PHACTR2: variants seen among roughly 807,000 people sequenced by gnomAD.
PHACTR2 encodes chromosome 6 open reading frame 56.
PHACTR2 carries 30 observed loss-of-function variants against 76.0 expected under a neutral mutation model. The ratio of observed to expected loss-of-function variants is 0.39; its 90% CI spans 0.30 to 0.54. The LOEUF is 0.54. PHACTR2 is among the 20% of genes least tolerant of loss of function. The pLI is 0.61. For synonymous variants in PHACTR2, 292 were observed against 292.5 expected, an observed-to-expected ratio of 1.00 and a Z score of 0.02; for missense variants, 696 against 781.1, an observed-to-expected ratio of 0.89 and a Z score of 1.30.
chr6:143,540,491 T>C (rs1041940097), intron 1 of PHACTR2, among the ~76,000 whole-genome samples: 1 of 152,142 alleles, frequency 6.6e-6, no homozygotes, highest in Non-Finnish European at 1.5e-5. Flanking sequence ...CTGCAAACAG[T>C]CAGTCTAATA....
At position 143,700,519 on chromosome 6, in the gene PHACTR2, C is replaced by A. The variant is rs905992642; in HGVS notation, c.47-11497C>A. Reference sequence around the variant, plus strand: ...GCAGTGAGCTGAGATCTCACCACTGCACTCCATCTGGGTGACAGAACGAGA... The same window carrying A: ...GCAGTGAGCTGAGATCTCACCACTGAACTCCATCTGGGTGACAGAACGAGA... On this transcript the variant is annotated intron_variant, in intron 1 of 12. Transcript: ENST00000440869. The surrounding 1 kb of genome is among the most constrained non-coding windows in gnomAD (Gnocchi z 4.1). Among the ~76,000 whole-genome samples, 1 of 152,178 alleles carries A rather than the reference C, an allele frequency of 6.6e-6. No homozygotes were observed. The highest frequency in any genetic ancestry group is 1.5e-5 in the Non-Finnish European group (1 of 68,016).
Position 143,684,042 on chromosome 6 carries a change from A to G in PHACTR2, c.46+5833A>G, listed in dbSNP as rs1173542805. ...TATTATAGTATGTGGATATATGAAA[A>G]CTTCCTTTAAAAGAATCCTGTTGTA... On this transcript the variant is annotated intron_variant, in intron 1 of 12. Coordinates refer to ENST00000440869, the MANE Select transcript of PHACTR2 (RefSeq NM_001100164.2). The surrounding 1 kb of genome is among the most constrained non-coding windows in gnomAD (Gnocchi z 4.3). Among the ~76,000 whole-genome samples, 2 of 152,162 alleles carry G rather than the reference A, an allele frequency of 1.3e-5. No homozygotes were observed. The highest frequency in any genetic ancestry group is 4.8e-5 in the African/African-American group (2 of 41,442).
chr6:143,746,432 G>T (rs1385747947), intron 2 of PHACTR2, among the ~76,000 whole-genome samples: 1 of 152,164 alleles, frequency 6.6e-6, no homozygotes, highest in Non-Finnish European at 1.5e-5. Context: ...TGCTGAATTG[G>T]CAGTGCATTT....
In PHACTR2 at chr6:143,592,299, A is replaced by AAGG. The variant is rs1053035240; in HGVS notation, c.217+55093_217+55094insGGA. Among the ~76,000 whole-genome samples the AAGG allele has an allele frequency of 1.2e-4, 18 of 152,196 alleles. No individual in the cohort carries two copies. Among genetic ancestry groups the AAGG allele is most frequent in the African/African-American group, 3.9e-4 (16 of 41,448 alleles). ...GTAATGGGCAGGCTTGGATAACACC[A>AAGG]ATGGTAAGATGAACCATCCTCTCCA... On this transcript the variant is annotated intron_variant, in intron 1 of 11. Coordinates refer to the PHACTR2 transcript ENST00000367584. The surrounding 1 kb of genome is among the most constrained non-coding windows in gnomAD (Gnocchi z 4.0).
At chr6:143,607,035 T>A (rs573776162), upstream of PHACTR2, among the ~76,000 whole-genome samples, 45 of 152,336 alleles carry the variant, frequency 3.0e-4, no homozygotes, top group Non-Finnish European at 3.4e-4. Context: ...ACCTAGAAGC[T>A]GTTACAATGG....
rs1237300664 is a variant in PHACTR2, at chr6:143,570,355, CATCTT to C, written c.217+33151_217+33155del. Among the ~76,000 whole-genome samples the C allele has an allele frequency of 6.6e-6, 1 of 152,182 alleles. No individual in the cohort carries two copies. Among genetic ancestry groups the C allele is most frequent in the Admixed American group, 6.5e-5 (1 of 15,274 alleles). On this transcript the variant is annotated intron_variant, in intron 1 of 11. Coordinates refer to the PHACTR2 transcript ENST00000367584. This position sits in a 1 kb window ranked among gnomAD's most constrained non-coding sequence, Gnocchi z 4.6. ...TCACAAATGTCTTTGTACTCACAGT[CATCTT>C]ATGCAGGGTTTGTACTTCGGCTTCT...
At chr6:143,552,354 G>A (rs1441450550) in intron 1 of PHACTR2, among the ~76,000 whole-genome samples, 1 of 152,172 alleles carries the variant, frequency 6.6e-6, no homozygotes, top group Non-Finnish European at 1.5e-5. Context: ...TTCTGATGAA[G>A]TTCTAAGAAT....
intron 1 of PHACTR2, among the ~76,000 whole-genome samples, chr6:143,560,397 T>C (rs1258048734): frequency 1.3e-5 from 2 of 152,334 alleles, no homozygotes; most frequent in East Asian, 3.9e-4. Flanking sequence ...CCATAATCCA[T>C]GTGATTTACT....
rs1360488362 is a variant in PHACTR2 at position 143,550,794 on chromosome 6, T to A, written c.217+13587T>A. Reference sequence around the variant, plus strand: ...TGGCTCACGCCTGTAATCCTAGCACTTTAGGAGGCCTAGGAGGGCAGATCA... The same window carrying A: ...TGGCTCACGCCTGTAATCCTAGCACATTAGGAGGCCTAGGAGGGCAGATCA... On this transcript the variant is annotated intron_variant, in intron 1 of 11. Coordinates refer to the PHACTR2 transcript ENST00000367584. The surrounding 1 kb of genome is among the most constrained non-coding windows in gnomAD (Gnocchi z 4.8). 6.6e-6 allele frequency among the ~76,000 whole-genome samples: 1 copy of A among 151,974 alleles called. No homozygotes were observed. Among genetic ancestry groups the A allele is most frequent in the East Asian group, 1.9e-4 (1 of 5,188 alleles).
In PHACTR2 at chr6:143,608,835, T is replaced by G. The variant is rs532656575; in HGVS notation, c.13+513T>G. On this transcript the variant is annotated intron_variant, in intron 1 of 11. Transcript: ENST00000305766. This position sits in a 1 kb window ranked among gnomAD's most constrained non-coding sequence, Gnocchi z 4.6. ...ATATTTTAATTTCAGAATAGAGACATTAGTGGTCAATTGTGAACCTTTAAA... is the reference window on the plus strand; with the variant it reads ...ATATTTTAATTTCAGAATAGAGACAGTAGTGGTCAATTGTGAACCTTTAAA... Among the ~76,000 whole-genome samples, 1 of 152,348 alleles carries G rather than the reference T, an allele frequency of 6.6e-6. No homozygotes were observed. Among genetic ancestry groups the G allele is most frequent in the South Asian group, 2.1e-4 (1 of 4,830 alleles).
At chr6:143,805,473 C>T (rs1454157120) in intron 11 of PHACTR2, among the ~76,000 whole-genome samples, 2 of 119,416 alleles carry the variant, frequency 1.7e-5, no homozygotes, top group Admixed American at 1.8e-4. Flanking sequence ...GAGTGAAACT[C>T]CGTCTCAAAA....
rs960217414 is a variant in PHACTR2, at chr6:143,592,533, C to T, written c.217+55326C>T. Reference sequence around the variant, plus strand: ...GGCGCTATTCACATCGACTAATACTCTATAGGGGCCATTCCCTTGATTTGG... The same window carrying T: ...GGCGCTATTCACATCGACTAATACTTTATAGGGGCCATTCCCTTGATTTGG... On this transcript the variant is annotated intron_variant, in intron 1 of 11. Transcript: ENST00000367584. The surrounding 1 kb of genome is among the most constrained non-coding windows in gnomAD (Gnocchi z 4.0). Among the ~76,000 whole-genome samples, 1 of 152,200 alleles carries T rather than the reference C, an allele frequency of 6.6e-6. No individual in the cohort carries two copies. The highest frequency in any genetic ancestry group is 2.4e-5 in the African/African-American group (1 of 41,442).
rs1461902117 is a variant in PHACTR2, at chr6:143,791,098, G to A, written c.1845+2188G>A. ...AATGATAGATATATTCTCATATACT[G>A]TCTTCTAAATTGTTTATAATTTTGC... On this transcript the variant is annotated intron_variant, in intron 11 of 12. Coordinates refer to ENST00000440869, the MANE Select transcript of PHACTR2 (RefSeq NM_001100164.2). The surrounding 1 kb of genome is among the most constrained non-coding windows in gnomAD (Gnocchi z 4.7). 6.6e-6 allele frequency among the ~76,000 whole-genome samples: 1 copy of A among 152,094 alleles called. No individual in the cohort carries two copies. The highest frequency in any genetic ancestry group is 1.5e-5 in the Non-Finnish European group (1 of 68,022).
Position 143,788,856 on chromosome 6 carries a change from T to C in PHACTR2, c.1791T>C (p.Pro597=). ...AGTATGTAGAAGTCACGGATTCTCCTGACTATGACCGCCGAGCAGACAAGC... is the reference window on the plus strand; with the variant it reads ...AGTATGTAGAAGTCACGGATTCTCCCGACTATGACCGCCGAGCAGACAAGC... The part of the protein sequence containing the change: ...FNEYVEVTDS[P]DYDRRADKPW... Residue 597 remains proline (P), a synonymous_variant, in exon 11 of 13, where the codon CCT becomes CCC. Transcript: ENST00000440869. 2 of 1,613,872 alleles carry C rather than the reference T, an allele frequency of 1.2e-6. No individual in the cohort carries two copies. The highest frequency in any genetic ancestry group is 1.7e-6 in the Non-Finnish European group (2 of 1,179,746).
intron 1 of PHACTR2, among the ~76,000 whole-genome samples, chr6:143,540,251 G>A (rs1026602205): frequency 1.3e-5 from 2 of 152,044 alleles, no homozygotes; most frequent in East Asian, 3.9e-4. Context: ...GAGTGTTGAG[G>A]GGAAAAGGAA....
Position 143,678,272 on chromosome 6 carries a change from CG to C in PHACTR2, c.46+67del, listed in dbSNP as rs2128452361. 6 of 1,381,064 alleles carry C rather than the reference CG, an allele frequency of 4.3e-6. No homozygotes were observed. The highest frequency in any genetic ancestry group is 5.6e-6 in the Non-Finnish European group (6 of 1,066,172). 85.6% of individuals were successfully genotyped at this position (1,381,064 alleles called of 1,614,324 possible). On this transcript the variant is annotated intron_variant, in intron 1 of 12. Transcript: ENST00000440869. The surrounding 1 kb of genome is among the most constrained non-coding windows in gnomAD (Gnocchi z 6.2). ...GGGCGCAGGGCTGGCGGCGGGGCCC[CG>C]GGGCAGGCAGGGTTAGTCGTCTGGT... is the stretch of plus-strand genomic sequence containing the variant.
Position 143,767,348 on chromosome 6 carries a change from A to G in PHACTR2, c.1232+1550A>G, listed in dbSNP as rs1193844804. On this transcript the variant is annotated intron_variant, in intron 6 of 12. Transcript: ENST00000440869. The surrounding 1 kb of genome is among the most constrained non-coding windows in gnomAD (Gnocchi z 4.4). ...AGCAGTGGCTTCTACTTCTACTGCCATTTCTCTTCTGTTAGTTTCTTTGGG... is the reference window on the plus strand; with the variant it reads ...AGCAGTGGCTTCTACTTCTACTGCCGTTTCTCTTCTGTTAGTTTCTTTGGG... 1.3e-5 allele frequency among the ~76,000 whole-genome samples: 2 copies of G among 152,126 alleles called. No homozygotes were observed. The highest frequency in any genetic ancestry group is 4.8e-5 in the African/African-American group (2 of 41,412).
intron 1 of PHACTR2, among the ~76,000 whole-genome samples, chr6:143,609,079 C>T (rs187169353): frequency 6.6e-6 from 1 of 152,308 alleles, no homozygotes; most frequent in Non-Finnish European, 1.5e-5. Flanking sequence ...TATGGATTAT[C>T]TGTCTCCTGA....
chr6:143,543,566 C>A lies in PHACTR2; in HGVS notation c.217+6359C>A, dbSNP rs1295274221. Among the ~76,000 whole-genome samples, 1 of 152,150 alleles carries A rather than the reference C, an allele frequency of 6.6e-6. No homozygotes were observed. The highest frequency in any genetic ancestry group is 1.5e-5 in the Non-Finnish European group (1 of 68,020). The stretch of plus-strand genomic sequence containing the variant: ...AAAATGCCTCTGGCAAGAGGTGAAA[C>A]CTGGGCTATCTCTATGCAAAAGGAG... On this transcript the variant is annotated intron_variant, in intron 1 of 11. Transcript: ENST00000367584. This position sits in a 1 kb window ranked among gnomAD's most constrained non-coding sequence, Gnocchi z 4.7.
Sources: gnomAD v4.1 joint callset for allele counts (sites outside exome capture counted in the v4.1 genomes callset) on GRCh38, gnomAD v4.1.1 for gene constraint, Gnocchi (gnomAD v3.1) non-coding constraint, MANE v1.5 for transcripts, NCBI Gene and HGNC (gene_info 2026-07-23, HGNC 2026-07-21) for gene names.